CD99L2: variants seen among roughly 807,000 people sequenced by gnomAD.
CD99L2 encodes CD99 molecule like 2.
In CD99L2, 24 loss-of-function variants were observed where a neutral mutation model predicts 27.3. The ratio of observed to expected loss-of-function variants is 0.88; its 90% CI spans 0.64 to 1.24. The LOEUF (loss-of-function observed/expected upper bound fraction) is 1.24. CD99L2 is among the 50% of genes most tolerant of loss of function. The pLI, the probability that CD99L2 is intolerant of heterozygous loss-of-function variation, is 0.00. For missense variants in CD99L2, 255 were observed against 221.6 expected, an observed-to-expected ratio of 1.15 and a Z score of -0.96; for synonymous variants, 97 against 87.9, an observed-to-expected ratio of 1.10 and a Z score of -0.58.
intron 1 of CD99L2, among the ~76,000 whole-genome samples, chrX:150,840,262 A>T (rs1471796165): frequency 4.5e-5 from 5 of 111,456 alleles, no homozygotes. Context: ...GAAAAAAGAA[A>T]GAAAAAAAGG....
intron 7 of CD99L2, among the ~76,000 whole-genome samples, chrX:150,786,082 T>C (rs1162741976): frequency 8.9e-6 from 1 of 111,834 alleles, no homozygotes; most frequent in Non-Finnish European, 1.9e-5. Context: ...CTACCAATGA[T>C]GTATGAGAAC....
Position 150,769,034 on chromosome X carries a change from T to C in CD99L2, c.789A>G (p.Ter263TrpextTer41), listed in dbSNP as rs999182213. 8.7e-7 allele frequency: 1 copy of C among 1,148,608 alleles called. No homozygotes were observed. Among genetic ancestry groups the C allele is most frequent in the Non-Finnish European group, 1.1e-6 (1 of 872,914 alleles). 94.7% of individuals were successfully genotyped at this position (1,148,608 alleles called of 1,213,427 possible). ...PPPPPEPARI[*>W] ...GCATGCCTGCAGCTGGACAGGGCCC[T>C]CAGATCCGGGCTGGTTCGGGCGGCG... The change falls in exon 11 of 11, where the codon TGA (stop) becomes TGG (tryptophan). Residue 263 changes from the stop codon to tryptophan, a stop_lost. Transcript: ENST00000370377.
chrX:150,887,926 T>C (rs1603322685), intron 1 of CD99L2, among the ~76,000 whole-genome samples: 1 of 112,091 alleles, frequency 8.9e-6, no homozygotes, highest in South Asian at 3.7e-4. Flanking sequence ...GAGCTACAAG[T>C]AGTTACTCCC....
intron 1 of CD99L2, among the ~76,000 whole-genome samples, chrX:150,840,413 A>C (rs2046606904): frequency 9.6e-6 from 1 of 104,339 alleles, no homozygotes; most frequent in African/African-American, 3.4e-5. Context: ...ACATATATAA[A>C]CTTTTTTTTT....
chrX:150,787,006 A>G (rs150379240), intron 7 of CD99L2, among the ~76,000 whole-genome samples: 1,600 of 111,971 alleles, frequency 0.014, 34 homozygotes, highest in African/African-American at 0.049. Flanking sequence ...GGCCGCATGT[A>G]TGTCTTCTTT....
intron 7 of CD99L2, among the ~76,000 whole-genome samples, chrX:150,781,645 T>C (rs2045512785): frequency 8.9e-6 from 1 of 112,188 alleles, no homozygotes. Context: ...TGAGTATAGA[T>C]ACCTATGCAT....
At chrX:150,853,858 T>G (rs2046829765) in intron 1 of CD99L2, among the ~76,000 whole-genome samples, 1 of 111,879 alleles carries the variant, frequency 8.9e-6, no homozygotes, top group Admixed American at 9.5e-5. Flanking sequence ...TGGCAATCAC[T>G]GCTATTACCA....
chrX:150,777,318 A>T, intron 8 of CD99L2, 126 bp downstream of exon 8: 1 of 803,405 alleles, frequency 1.2e-6, no homozygotes, highest in African/African-American at 2.0e-5. Flanking sequence ...TTAGGAGTAG[A>T]ATGGGAGGCA....
intron 1 of CD99L2, among the ~76,000 whole-genome samples, chrX:150,872,442 C>T (rs2047171309): frequency 2.1e-5 from 2 of 95,915 alleles, no homozygotes; most frequent in South Asian, 9.6e-4. Context: ...AGGAAACATA[C>T]CAGAACTGAG....
intron 1 of CD99L2, among the ~76,000 whole-genome samples, chrX:150,867,641 C>T (rs112855453): frequency 0.015 from 1,697 of 110,321 alleles, 40 homozygotes; most frequent in African/African-American, 0.053. Flanking sequence ...CGCCTTTAAT[C>T]CCAGCACTTT....
rs782817386 is a variant in CD99L2, at chrX:150,840,217, A to AAAAG, written c.68-8928_68-8925dup. Reference sequence around the variant, plus strand: ...ACCCTACCTCAAAAAGAAAAAAGAAAAAAGAAAGAAAGAAAGAAAAAGAAA... The same window carrying AAAAG: ...ACCCTACCTCAAAAAGAAAAAAGAAAAAAGAAAGAAAGAAAGAAAGAAAAAGAAA... On this transcript the variant is annotated intron_variant, in intron 1 of 10. Coordinates refer to ENST00000370377, the MANE Select transcript of CD99L2 (RefSeq NM_031462.4). Among the ~76,000 whole-genome samples the AAAAG allele has an allele frequency of 1.6e-4, 18 of 109,436 alleles. No individual in the cohort carries two copies. The East Asian group carries it at 4.3e-3, about 26-fold the overall frequency.
chrX:150,880,795 C>T (rs1320752761), intron 1 of CD99L2, among the ~76,000 whole-genome samples: 2 of 111,658 alleles, frequency 1.8e-5, no homozygotes, highest in Non-Finnish European at 3.8e-5. Context: ...ATATAAAGGA[C>T]GCATCTGTGA....
intron 2 of CD99L2, chrX:150,829,531 T>C (rs1174149484): frequency 6.1e-6 from 2 of 328,476 alleles, no homozygotes; most frequent in African/African-American, 5.4e-5. Context: ...ATAGAACTTC[T>C]AGCATCCAGA....
intron 1 of CD99L2, among the ~76,000 whole-genome samples, chrX:150,831,625 T>A (rs1346241044): frequency 1.8e-5 from 2 of 109,760 alleles, no homozygotes; most frequent in Non-Finnish European, 3.8e-5. Context: ...AGGGAGAGGG[T>A]CAGGAAAAAT....
chrX:150,778,192 G>A (rs1206661731), intron 7 of CD99L2, among the ~76,000 whole-genome samples: 1 of 109,731 alleles, frequency 9.1e-6, no homozygotes. Flanking sequence ...ACACACACAC[G>A]CACGCACCCC....
rs562732691 is a variant in CD99L2 at position 150,876,492 on chromosome X, T to A, written c.67+22030A>T. On this transcript the variant is annotated intron_variant, in intron 1 of 10. Transcript: ENST00000370377. ...AAAATAATGGTAAGACAAAGCTTTA[T>A]ACAGCTCCATTCTCATGAATGGGAA... 2.6e-4 allele frequency among the ~76,000 whole-genome samples: 29 copies of A among 112,577 alleles called. 1 individual carries two copies. In the South Asian group the frequency reaches 9.9e-3, roughly 38 times the overall value.
At chrX:150,887,286 T>C (rs2047427356) in intron 1 of CD99L2, among the ~76,000 whole-genome samples, 1 of 108,376 alleles carries the variant, frequency 9.2e-6, no homozygotes, top group South Asian at 4.0e-4. Context: ...TCTCTACTAT[T>C]AATACAAAAA....
intron 7 of CD99L2, among the ~76,000 whole-genome samples, chrX:150,778,199 C>T (rs1264459141): frequency 9.1e-6 from 1 of 110,303 alleles, no homozygotes; most frequent in Non-Finnish European, 1.9e-5. Flanking sequence ...CACGCACGCA[C>T]CCCTTCCACA....
intron 2 of CD99L2, among the ~76,000 whole-genome samples, chrX:150,824,710 A>AGAG: frequency 9.8e-6 from 1 of 102,055 alleles, no homozygotes; most frequent in African/African-American, 3.8e-5. Flanking sequence ...AGGAAGAGGA[A>AGAG]GAAGAAGAAG....
Sources: gnomAD v4.1 joint callset for allele counts (sites outside exome capture counted in the v4.1 genomes callset) on GRCh38, gnomAD v4.1.1 for gene constraint, MANE v1.5 for transcripts, NCBI Gene and HGNC (gene_info 2026-07-23, HGNC 2026-07-21) for gene names.